Variants in KLF8 observed in about 807,000 individuals in gnomAD.
KLF8 encodes Krueppel-like factor 8.
In KLF8, 10 loss-of-function variants were observed where a neutral mutation model predicts 18.2. The observed-to-expected ratio is 0.55, with a 90% CI of 0.34 to 0.93. KLF8 has a LOEUF of 0.93. Among genes scored for constraint, KLF8 ranks in the 40% least tolerant of loss-of-function variants. The pLI is 0.02. For missense variants in KLF8, 264 were observed against 277.9 expected, an observed-to-expected ratio of 0.95 and a Z score of 0.36; for synonymous variants, 109 against 97.3, an observed-to-expected ratio of 1.12 and a Z score of -0.71.
At chrX:56,107,021 G>A in the KLF8 span, among the ~76,000 whole-genome samples, 1 of 111,914 alleles carries the variant, frequency 8.9e-6, no homozygotes, top group South Asian at 3.8e-4. Flanking sequence ...TCCAGATCCT[G>A]TGCACCTGGG....
At chrX:56,099,784 G>A in the KLF8 span, among the ~76,000 whole-genome samples, 1 of 111,727 alleles carries the variant, frequency 9.0e-6, no homozygotes, top group South Asian at 3.7e-4. Flanking sequence ...TGAAGACTGA[G>A]AGTGTTGAAG....
intron 3 of KLF8, chrX:56,268,920 A>G (rs1355855897): frequency 2.1e-6 from 2 of 951,901 alleles, no homozygotes; most frequent in East Asian, 8.0e-5. Context: ...TAGGAGCACA[A>G]AGGCCAAGGT....
At chrX:56,076,992 GT>G in the KLF8 span, among the ~76,000 whole-genome samples, 1 of 111,351 alleles carries the variant, frequency 9.0e-6, no homozygotes, top group Non-Finnish European at 1.9e-5. Context: ...GGGGTTGTTT[GT>G]TTTTTTCTTG....
chrX:56,036,393 A>G, the KLF8 span, among the ~76,000 whole-genome samples: 1 of 111,821 alleles, frequency 8.9e-6, no homozygotes. Flanking sequence ...GTTCTTCCAT[A>G]TAGGAATATC....
At chrX:55,960,480 A>T in the KLF8 span, among the ~76,000 whole-genome samples, 1 of 110,669 alleles carries the variant, frequency 9.0e-6, no homozygotes, top group South Asian at 3.8e-4. Flanking sequence ...ATGCCATTTC[A>T]CTCCTGCCTG....
At chrX:56,179,474 A>G in the KLF8 span, among the ~76,000 whole-genome samples, 2 of 111,838 alleles carry the variant, frequency 1.8e-5, no homozygotes, top group Non-Finnish European at 3.8e-5. Flanking sequence ...CTAATTGAAT[A>G]CCTTTATTTC....
At chrX:56,157,927 G>T in the KLF8 span, among the ~76,000 whole-genome samples, 1 of 111,844 alleles carries the variant, frequency 8.9e-6, no homozygotes, top group South Asian at 3.7e-4. Context: ...GTCTTTTGTT[G>T]CCATTGCTTT....
the KLF8 span, among the ~76,000 whole-genome samples, chrX:56,166,136 ATT>A: frequency 1.0e-5 from 1 of 100,037 alleles, no homozygotes; most frequent in Non-Finnish European, 2.0e-5. Context: ...TAAGTGCTTT[ATT>A]TTTTTTTTTT....
At chrX:56,202,480 T>C in the KLF8 span, among the ~76,000 whole-genome samples, 3 of 110,573 alleles carry the variant, frequency 2.7e-5, no homozygotes, top group East Asian at 8.6e-4. Context: ...AAGCTATTGT[T>C]AACTATAGTC....
At chrX:56,278,387 G>A (rs1204993217) in intron 5 of KLF8, among the ~76,000 whole-genome samples, 2 of 110,705 alleles carry the variant, frequency 1.8e-5, no homozygotes, top group Admixed American at 9.6e-5. Flanking sequence ...CCAGAACTGG[G>A]TTCTTCTCTT....
At chrX:56,141,263 G>A in the KLF8 span, among the ~76,000 whole-genome samples, 1 of 111,772 alleles carries the variant, frequency 8.9e-6, no homozygotes, top group South Asian at 3.7e-4. Flanking sequence ...CACCATACCC[G>A]GCCAGCATTT....
At chrX:56,022,100 C>T in the KLF8 span, among the ~76,000 whole-genome samples, 3 of 111,273 alleles carry the variant, frequency 2.7e-5, no homozygotes, top group East Asian at 8.4e-4. Context: ...TCTGGTGTGT[C>T]ATCAGTGAAA....
chrX:56,075,470 A>G, the KLF8 span, among the ~76,000 whole-genome samples: 1 of 111,814 alleles, frequency 8.9e-6, no homozygotes, highest in South Asian at 3.7e-4. Context: ...CGCATCATGG[A>G]ACATGAGATA....
chrX:55,922,614 TTAAAA>T, the KLF8 span, among the ~76,000 whole-genome samples: 3 of 112,130 alleles, frequency 2.7e-5, no homozygotes, highest in Non-Finnish European at 3.8e-5. Context: ...ATCCTGGAAC[TTAAAA>T]TAAAATCGAA....
At chrX:56,005,199 AG>A in the KLF8 span, among the ~76,000 whole-genome samples, 3 of 110,354 alleles carry the variant, frequency 2.7e-5, no homozygotes, top group Non-Finnish European at 5.7e-5. Context: ...GTGGGATTAC[AG>A]GGGGGTGGTG....
At chrX:56,191,535 G>C in the KLF8 span, among the ~76,000 whole-genome samples, 2 of 111,632 alleles carry the variant, frequency 1.8e-5, no homozygotes, top group South Asian at 7.5e-4. Flanking sequence ...GATAAGTATT[G>C]ATGCAAAAAT....
At chrX:55,942,033 CTA>C in the KLF8 span, among the ~76,000 whole-genome samples, 1 of 111,326 alleles carries the variant, frequency 9.0e-6, no homozygotes, top group Non-Finnish European at 1.9e-5. Flanking sequence ...ACCCAAAGGA[CTA>C]TAAGTCATGC....
chrX:56,138,046 CAAA>C, the KLF8 span, among the ~76,000 whole-genome samples: 4 of 56,649 alleles, frequency 7.1e-5, no homozygotes, highest in South Asian at 1.6e-3. Context: ...CACAGAAATA[CAAA>C]AAAAAAAAAA....
the KLF8 span, among the ~76,000 whole-genome samples, chrX:56,025,804 G>A: frequency 9.0e-6 from 1 of 111,720 alleles, no homozygotes; most frequent in Non-Finnish European, 1.9e-5. Flanking sequence ...TTTGTACTGA[G>A]TGTTATTATA....
Sources: allele counts gnomAD v4.1 joint callset (sites outside exome capture counted in the v4.1 genomes callset), GRCh38; gene constraint gnomAD v4.1.1; transcripts MANE v1.5; gene names NCBI Gene and HGNC (gene_info 2026-07-23, HGNC 2026-07-21).